The following PROX1 variants were observed in gnomAD, a reference collection of about 807,000 sequenced individuals.
The protein encoded by PROX1 is prospero homeobox protein 1.
In PROX1, 7 loss-of-function variants were observed where a neutral mutation model predicts 58.8. The observed-to-expected ratio is 0.12, with a 90% CI of 0.07 to 0.22. The LOEUF (loss-of-function observed/expected upper bound fraction) is 0.22, where lower values mean the gene tolerates loss of function less well. PROX1 is among the 10% of genes least tolerant of loss of function. The pLI is 1.00. For synonymous variants in PROX1, 350 were observed against 358.3 expected (o/e 0.98, Z 0.26); for missense variants, 675 against 927.8 (o/e 0.73, Z 3.54).
chr1:213,994,677 A>G (rs1663176489), intron 1 of PROX1, among the ~76,000 whole-genome samples: 1 of 146,688 alleles, frequency 6.8e-6, no homozygotes, highest in Admixed American at 6.9e-5. Flanking sequence ...GTTCTTGAGA[A>G]CTCCATCTCC....
intron 4 of PROX1, among the ~76,000 whole-genome samples, chr1:214,014,367 A>G (rs543197452): frequency 1.3e-5 from 2 of 152,370 alleles, no homozygotes; most frequent in African/African-American, 4.8e-5. Context: ...AAACAGAGCT[A>G]AACCATGGTA....
chr1:214,035,591 T>TAA, intron 4 of PROX1, 58 bp from the exon 5 acceptor site: 1 of 1,504,330 alleles, frequency 6.6e-7, no homozygotes. Context: ...TTCCTTGGAA[T>TAA]AACTGTAGAC....
intron 4 of PROX1, among the ~76,000 whole-genome samples, chr1:214,016,016 G>C (rs1664082373): frequency 6.6e-6 from 1 of 152,212 alleles, no homozygotes; most frequent in Non-Finnish European, 1.5e-5. Context: ...TCACTCATTA[G>C]TGGCCTTATG....
intron 4 of PROX1, among the ~76,000 whole-genome samples, chr1:214,013,582 G>A (rs78726040): frequency 6.7e-6 from 1 of 149,614 alleles, no homozygotes; most frequent in African/African-American, 2.5e-5. Context: ...TTTTCGGGTT[G>A]CTTAAACCTT....
Position 213,988,361 on chromosome 1 carries a change from T to C in PROX1, c.-190T>C, listed in dbSNP as rs1662885268. ...TATCATATTCATCACCCGCAAGATA[T>C]CACCGTGTGTGCACTCGCGTGTTTT... On this transcript the variant is annotated 5_prime_UTR_variant, in exon 1 of 5. Transcript: ENST00000366958. 1 of 150,976 alleles carries C rather than the reference T, an allele frequency of 6.6e-6. No homozygotes were observed. The highest frequency in any genetic ancestry group is 2.0e-4 in the East Asian group (1 of 5,042). The allele number at this position is 150,976 out of a possible 1,614,324, so 9.4% of individuals were successfully genotyped here. A position where few individuals can be genotyped will look rare whatever the true frequency, so the allele number is the denominator to read the frequency against.
At chr1:213,990,993 TC>T (rs1366606009) in intron 1 of PROX1, among the ~76,000 whole-genome samples, 1 of 152,210 alleles carries the variant, frequency 6.6e-6, no homozygotes, top group Non-Finnish European at 1.5e-5. Flanking sequence ...GCTTTTCTAT[TC>T]TGATGCAAGA....
chr1:214,002,412 CTTTTTTT>C (rs774337530), intron 2 of PROX1, among the ~76,000 whole-genome samples: 4 of 116,378 alleles, frequency 3.4e-5, no homozygotes, highest in Non-Finnish European at 5.2e-5. Context: ...TTTCTTTTTT[CTTTTTTT>C]TTTTTTTTTA....
rs558443191 is a variant in PROX1, at chr1:214,039,691, T to C, written c.*3857T>C. ...AGTTAACAATCTCTTTTATCAGATG[T>C]CAAGGGCAAGGGTAATGCAGTTTCT... On this transcript the variant is annotated 3_prime_UTR_variant, in exon 5 of 5. Coordinates refer to ENST00000366958, the MANE Select transcript of PROX1 (RefSeq NM_001270616.2). 1.3e-5 allele frequency: 2 copies of C among 152,336 alleles called. No homozygotes were observed. Among genetic ancestry groups the C allele is most frequent in the East Asian group, 1.9e-4 (1 of 5,188 alleles). The allele number at this position is 152,336 out of a possible 1,614,324, so 9.4% of individuals were successfully genotyped here. A position where few individuals can be genotyped will look rare whatever the true frequency, so the allele number is the denominator to read the frequency against.
intron 1 of PROX1, among the ~76,000 whole-genome samples, chr1:213,991,426 A>G (rs997793900): frequency 6.6e-6 from 1 of 151,220 alleles, no homozygotes; most frequent in Non-Finnish European, 1.5e-5. Context: ...CACCTCCCAA[A>G]CACACACACA....
intron 4 of PROX1, among the ~76,000 whole-genome samples, chr1:214,012,110 A>C (rs530014940): frequency 6.6e-6 from 1 of 152,334 alleles, no homozygotes; most frequent in South Asian, 2.1e-4. Context: ...GCTATGTGCA[A>C]TGGTAGCTAC....
intron 2 of PROX1, among the ~76,000 whole-genome samples, chr1:214,003,135 C>T (rs904167482): frequency 1.3e-5 from 2 of 152,160 alleles, no homozygotes; most frequent in East Asian, 3.8e-4. Context: ...AACATCTTAG[C>T]ATAAATTAGA....
chr1:214,035,588 G>C, intron 4 of PROX1, 61 bp from the exon 5 acceptor site: 4 of 1,493,536 alleles, frequency 2.7e-6, no homozygotes, highest in Non-Finnish European at 3.6e-6. Flanking sequence ...AGTTTCCTTG[G>C]AATAACTGTA....
chr1:214,002,417 T>C (rs935407837), intron 2 of PROX1, among the ~76,000 whole-genome samples: 15 of 149,782 alleles, frequency 1.0e-4, no homozygotes, highest in African/African-American at 2.7e-4. Context: ...TTTTTCTTTT[T>C]TTTTTTTTTT....
intron 2 of PROX1, 51 bp downstream of exon 2, chr1:213,998,311 CA>C (rs758573892): frequency 2.7e-5 from 41 of 1,510,724 alleles, no homozygotes; most frequent in Non-Finnish European, 3.3e-5. Flanking sequence ...AAAGGTTTCC[CA>C]AAAGGTTGGG....
chr1:213,983,563 T>C (rs561325245), upstream of PROX1, among the ~76,000 whole-genome samples: 1 of 152,288 alleles, frequency 6.6e-6, no homozygotes, highest in East Asian at 1.9e-4. Context: ...TCCCCTTGAG[T>C]TGCGGCCCGA....
chr1:213,994,795 A>ATC (rs1385496900), intron 1 of PROX1, among the ~76,000 whole-genome samples: 46 of 91,672 alleles, frequency 5.0e-4, no homozygotes, highest in African/African-American at 1.9e-3. Context: ...ATATATATAT[A>ATC]TATATATAAA....
chr1:214,030,751 G>T (rs1044981170), intron 4 of PROX1: 1 of 152,164 alleles, frequency 6.6e-6, no homozygotes, highest in Non-Finnish European at 1.5e-5. Context: ...TGCCAAGAGC[G>T]TTTGGCAAGG....
At chr1:214,003,318 G>C (rs1663590914) in intron 2 of PROX1, among the ~76,000 whole-genome samples, 1 of 152,228 alleles carries the variant, frequency 6.6e-6, no homozygotes, top group African/African-American at 2.4e-5. Context: ...CCAGATCTGA[G>C]AGTGTCTGTC....
At chr1:213,995,578 A>G (rs1222969363) in intron 1 of PROX1, among the ~76,000 whole-genome samples, 2 of 152,122 alleles carry the variant, frequency 1.3e-5, no homozygotes, top group Non-Finnish European at 2.9e-5. Context: ...GAAGGAAACT[A>G]GTCCTGAAGA....
Sources: gnomAD v4.1 joint callset for allele counts (sites outside exome capture counted in the v4.1 genomes callset) on GRCh38, gnomAD v4.1.1 for gene constraint, MANE v1.5 for transcripts, NCBI Gene and HGNC (gene_info 2026-07-23, HGNC 2026-07-21) for gene names.